TXLNB: variants seen among roughly 807,000 people sequenced by gnomAD.
TXLNB encodes the protein taxilin beta.
TXLNB carries 37 observed loss-of-function variants against 57.4 expected under a neutral mutation model. The observed-to-expected ratio is 0.64, with a 90% CI of 0.50 to 0.85. The LOEUF is 0.85. Ranked by LOEUF, TXLNB falls within the 40% of genes least tolerant of loss-of-function variation. TXLNB has a pLI of 0.00. For missense variants in TXLNB, 848 were observed against 825.6 expected (o/e 1.03, Z -0.33); for synonymous variants, 302 against 309.6 (o/e 0.98, Z 0.26).
chr6:139,214,474 T>G, the TXLNB span, among the ~76,000 whole-genome samples: 2 of 152,210 alleles, frequency 1.3e-5, no homozygotes, highest in Non-Finnish European at 2.9e-5. Context: ...TGATGGAACA[T>G]ATCTCAAAAT....
At chr6:139,316,761 G>C in the TXLNB span, among the ~76,000 whole-genome samples, 4,365 of 152,242 alleles carry the variant, frequency 0.029, 204 homozygotes, top group African/African-American at 0.099. Flanking sequence ...ACAAATTCTG[G>C]AGTCAGGGGA....
chr6:139,191,617 C>T, the TXLNB span, among the ~76,000 whole-genome samples: 1 of 152,108 alleles, frequency 6.6e-6, no homozygotes, highest in African/African-American at 2.4e-5. Flanking sequence ...CTGTGAAAAC[C>T]TTAATGAGTG....
At chr6:139,273,073 ATTG>A (rs1776807215) in intron 3 of TXLNB, among the ~76,000 whole-genome samples, 1 of 152,280 alleles carries the variant, frequency 6.6e-6, no homozygotes, top group South Asian at 2.1e-4. Flanking sequence ...AAATTTATAT[ATTG>A]TTATTATTAT....
the TXLNB span, among the ~76,000 whole-genome samples, chr6:139,219,010 T>C: frequency 2.0e-5 from 3 of 152,182 alleles, no homozygotes; most frequent in Non-Finnish European, 2.9e-5. Flanking sequence ...CTATTGCTTG[T>C]CTAGTGTAGT....
chr6:139,166,187 T>C, the TXLNB span: 2 of 946,880 alleles, frequency 2.1e-6, no homozygotes, highest in East Asian at 2.5e-5. Context: ...ATTATATTCA[T>C]GTCTTAGAAA....
the TXLNB span, among the ~76,000 whole-genome samples, chr6:139,210,701 G>T: frequency 6.6e-6 from 1 of 152,262 alleles, no homozygotes; most frequent in Non-Finnish European, 1.5e-5. Flanking sequence ...CACCCGGGAA[G>T]TGCAAGGGGT....
chr6:139,223,477 A>T, the TXLNB span, among the ~76,000 whole-genome samples: 2 of 152,168 alleles, frequency 1.3e-5, no homozygotes, highest in African/African-American at 4.8e-5. Flanking sequence ...AAAATAGAGA[A>T]GAACAAAGGC....
intron 3 of TXLNB, among the ~76,000 whole-genome samples, chr6:139,273,201 A>G (rs976148825): frequency 6.6e-6 from 1 of 152,204 alleles, no homozygotes; most frequent in African/African-American, 2.4e-5. Flanking sequence ...GGGCTGTCCT[A>G]TGCCTTGTAA....
the TXLNB span, among the ~76,000 whole-genome samples, chr6:139,183,928 AAC>A: frequency 6.6e-6 from 1 of 151,138 alleles, no homozygotes; most frequent in Non-Finnish European, 1.5e-5. Context: ...TATGTTAGAA[AAC>A]ACAAGGACTA....
At chr6:139,193,241 CT>C in the TXLNB span, among the ~76,000 whole-genome samples, 6,540 of 101,248 alleles carry the variant, frequency 0.065, 305 homozygotes, top group African/African-American at 0.14. Context: ...CTTTGACCCT[CT>C]TTTTTTTTTT....
chr6:139,236,416 A>G (rs1405435048), downstream of TXLNB, among the ~76,000 whole-genome samples: 1 of 152,064 alleles, frequency 6.6e-6, no homozygotes, highest in Non-Finnish European at 1.5e-5. Flanking sequence ...CACCCCCATC[A>G]CATGTCCTGC....
chr6:139,281,538 T>TC lies in TXLNB; in HGVS notation c.425-4618dup, dbSNP rs1294966320. 2.7e-3 allele frequency among the ~76,000 whole-genome samples: 283 copies of TC among 103,580 alleles called. 45 individuals are homozygous for TC. Among genetic ancestry groups the TC allele is most frequent in the East Asian group, 0.026 (103 of 4,028 alleles). 68.0% of individuals were successfully genotyped at this position (103,580 alleles called of 152,430 possible). ...CTCAGTAGGAGAGTGGATCTGGAGT[T>TC]CTTTTTTTTTTTTTTTTTTTTTTTT... On this transcript the variant is annotated intron_variant, in intron 2 of 9. Transcript: ENST00000358430.
upstream of TXLNB, among the ~76,000 whole-genome samples, chr6:139,293,544 C>T (rs72990553): frequency 0.086 from 13,085 of 151,782 alleles, 611 homozygotes; most frequent in Non-Finnish European, 0.1. Flanking sequence ...TGCAATCCTG[C>T]GACATTGATC....
At chr6:139,306,846 A>T in the TXLNB span, among the ~76,000 whole-genome samples, 1 of 152,122 alleles carries the variant, frequency 6.6e-6, no homozygotes, top group Non-Finnish European at 1.5e-5. Context: ...TGGCCTTATC[A>T]TGTTCTTGAC....
rs1031790545 is a variant in TXLNB at position 139,240,832 on chromosome 6, G to A, written c.*1694C>T. On this transcript the variant is annotated 3_prime_UTR_variant, in exon 10 of 10. Transcript: ENST00000358430. Reference sequence around the variant, plus strand: ...TATGGTTGCTGCCTACAAGCACTTTGTGTGCCTTGGCAAACAGCCACATGC... The same window carrying A: ...TATGGTTGCTGCCTACAAGCACTTTATGTGCCTTGGCAAACAGCCACATGC... The A allele has an allele frequency of 1.3e-5, 2 of 152,228 alleles. No homozygotes were observed. The highest frequency in any genetic ancestry group is 4.1e-4 in the South Asian group (2 of 4,832). The allele number at this position is 152,228 out of a possible 1,614,324, so 9.4% of individuals were successfully genotyped here. A position where few individuals can be genotyped will look rare whatever the true frequency, so the allele number is the denominator to read the frequency against.
rs1227586425 is a variant in TXLNB at position 139,274,679 on chromosome 6, C to T, written c.516+2151G>A. Among the ~76,000 whole-genome samples, 4 of 152,078 alleles carry T rather than the reference C, an allele frequency of 2.6e-5. No homozygotes were observed. The East Asian group carries it at 5.8e-4, about 22-fold the overall frequency. On this transcript the variant is annotated intron_variant, in intron 3 of 9. Transcript: ENST00000358430. Reference sequence around the variant, plus strand: ...CAACCCTGGCTCATGGAGAAAATATCGGTAAGTCTGGAAAAGTGATGCTTC... The same window carrying T: ...CAACCCTGGCTCATGGAGAAAATATTGGTAAGTCTGGAAAAGTGATGCTTC...
the TXLNB span, among the ~76,000 whole-genome samples, chr6:139,304,317 C>A: frequency 6.6e-6 from 1 of 152,208 alleles, no homozygotes; most frequent in African/African-American, 2.4e-5. Context: ...TAGAAAGACT[C>A]CATAATTTGT....
chr6:139,166,292 T>C, the TXLNB span: 2 of 1,597,668 alleles, frequency 1.3e-6, no homozygotes, highest in Non-Finnish European at 1.7e-6. Flanking sequence ...AGAAGCCCCA[T>C]GTGCCACTCC....
upstream of TXLNB, among the ~76,000 whole-genome samples, chr6:139,292,599 T>C (rs73560790): frequency 0.045 from 6,807 of 152,288 alleles, 503 homozygotes; most frequent in African/African-American, 0.15. This position sits in a 1 kb window ranked among gnomAD's most constrained non-coding sequence, Gnocchi z 4.0. Flanking sequence ...GGAGCTGAAC[T>C]GAGTATAATC....
Sources: allele counts gnomAD v4.1 joint callset (sites outside exome capture counted in the v4.1 genomes callset), GRCh38; gene constraint gnomAD v4.1.1; non-coding constraint Gnocchi (gnomAD v3.1); transcripts MANE v1.5; gene names NCBI Gene and HGNC (gene_info 2026-07-23, HGNC 2026-07-21).